The following SNX31 variants were observed in gnomAD, a reference collection of about 807,000 sequenced individuals.
The protein encoded by SNX31 is sorting nexin-31.
Under a neutral mutation model 65.4 loss-of-function variants are expected in SNX31, and 58 were observed. The ratio of observed to expected loss-of-function variants is 0.89; its 90% CI spans 0.72 to 1.10. The LOEUF is 1.10. Among genes scored for constraint, SNX31 ranks in the 50% least tolerant of loss-of-function variants. The probability of loss-of-function intolerance (pLI) is 0.00; values close to 1 mark genes in which losing one functional copy is unlikely to be tolerated. For synonymous variants in SNX31, 181 were observed against 190.1 expected, an observed-to-expected ratio of 0.95 and a Z score of 0.39; for missense variants, 523 against 529.7, an observed-to-expected ratio of 0.99 and a Z score of 0.12.
intron 7 of SNX31, among the ~76,000 whole-genome samples, 173 bp from the exon 8 acceptor site, chr8:100,608,736 C>G (rs1816423458): frequency 6.6e-6 from 1 of 152,202 alleles, no homozygotes; most frequent in Non-Finnish European, 1.5e-5. Context: ...CTTTCGTTTC[C>G]TAATTTCTTT....
intron 4 of SNX31, among the ~76,000 whole-genome samples, chr8:100,624,296 G>T (rs781345584): frequency 6.6e-6 from 1 of 152,098 alleles, no homozygotes; most frequent in Non-Finnish European, 1.5e-5. Flanking sequence ...AAAATAAAAC[G>T]AAGAATGAGA....
upstream of SNX31, among the ~76,000 whole-genome samples, chr8:100,653,555 C>T (rs1401589020): frequency 2.0e-5 from 3 of 152,210 alleles, no homozygotes; most frequent in Admixed American, 2.0e-4. Context: ...CAAGAAGCGC[C>T]TCAGGCCACC....
rs1264552284 is a variant in SNX31, at chr8:100,614,607, G to A, written c.433-1522C>T. On this transcript the variant is annotated intron_variant, in intron 5 of 13. Transcript: ENST00000311812. The surrounding 1 kb of genome is among the most constrained non-coding windows in gnomAD (Gnocchi z 5.1). The stretch of plus-strand genomic sequence containing the variant: ...GAGGCCATTGAGGCCCGGCACGGTG[G>A]CTCATGCCTGTAATCCCAGCACTTT... Among the ~76,000 whole-genome samples, 1 of 152,200 alleles carries A rather than the reference G, an allele frequency of 6.6e-6. No individual in the cohort carries two copies. The highest frequency in any genetic ancestry group is 1.5e-5 in the Non-Finnish European group (1 of 68,038).
intron 8 of SNX31, 27 bp from the exon 9 acceptor site, chr8:100,600,468 AGC>A (rs1359776830): frequency 6.4e-7 from 1 of 1,569,664 alleles, no homozygotes; most frequent in African/African-American, 1.4e-5. Context: ...TTGTAAAATT[AGC>A]AGTCTTAGCA....
In SNX31 at chr8:100,648,915, A is replaced by G. The variant is rs1051781725; in HGVS notation, c.141+359T>C. Among the ~76,000 whole-genome samples, 1 of 152,224 alleles carries G rather than the reference A, an allele frequency of 6.6e-6. No individual in the cohort carries two copies. The highest frequency in any genetic ancestry group is 1.5e-5 in the Non-Finnish European group (1 of 68,014). On this transcript the variant is annotated intron_variant, in intron 2 of 13. Coordinates refer to ENST00000311812, the MANE Select transcript of SNX31 (RefSeq NM_152628.4). The surrounding 1 kb of genome is among the most constrained non-coding windows in gnomAD (Gnocchi z 4.3). ...TCTAGACCCAGTTTCCAAATTTTGG[A>G]GGGAAGCATTGTCCTGGGGAACAGC... is the stretch of plus-strand genomic sequence containing the variant.
At chr8:100,652,104 G>A (rs957912653), upstream of SNX31, among the ~76,000 whole-genome samples, 13 of 151,896 alleles carry the variant, frequency 8.6e-5, no homozygotes, top group East Asian at 1.9e-3. Context: ...TCGGCCTCCC[G>A]AGTAGCTGGG....
rs553625689 is a variant in SNX31 at position 100,634,526 on chromosome 8, C to A, written c.256+1371G>T. ...CTTTGGGAAGCTGAAGTGGGCAGAT[C>A]GTTTGAGATCAGGAGCTCGAGACCA... On this transcript the variant is annotated intron_variant, in intron 3 of 13. Coordinates refer to ENST00000311812, the MANE Select transcript of SNX31 (RefSeq NM_152628.4). 2.0e-5 allele frequency among the ~76,000 whole-genome samples: 3 copies of A among 151,666 alleles called. No homozygotes were observed. In the East Asian group the frequency reaches 5.8e-4, roughly 29 times the overall value.
At position 100,590,014 on chromosome 8, in the gene SNX31, G is replaced by T. The variant is rs1023342751; in HGVS notation, c.979-1035C>A. On this transcript the variant is annotated intron_variant, in intron 10 of 13. Transcript: ENST00000311812. Reference sequence around the variant, plus strand: ...TGATAGAGTTCCTATTTCTTAGAAAGCTTGAGCTCCTTTGGTTCTTAACTT... The same window carrying T: ...TGATAGAGTTCCTATTTCTTAGAAATCTTGAGCTCCTTTGGTTCTTAACTT... Among the ~76,000 whole-genome samples the T allele has an allele frequency of 3.9e-5, 6 of 152,292 alleles. No individual in the cohort carries two copies. In the South Asian group the frequency reaches 1.2e-3, roughly 32 times the overall value.
At chr8:100,574,948 G>T (rs1357353143) in intron 13 of SNX31, among the ~76,000 whole-genome samples, 1 of 152,098 alleles carries the variant, frequency 6.6e-6, no homozygotes, top group Non-Finnish European at 1.5e-5. Flanking sequence ...GAAAAAAAAA[G>T]TGTTATGCTT....
Position 100,622,831 on chromosome 8 carries a change from G to GT in SNX31, c.322-5102dup, listed in dbSNP as rs146156760. On this transcript the variant is annotated intron_variant, in intron 4 of 13. Coordinates refer to ENST00000311812, the MANE Select transcript of SNX31 (RefSeq NM_152628.4). The surrounding 1 kb of genome is among the most constrained non-coding windows in gnomAD (Gnocchi z 5.0). ...TTAAGGCTAAAGCCTCCAATGTTTT[G>GT]TTTGATGTCGCAGTACTGGTTTTGG... Among the ~76,000 whole-genome samples the GT allele has an allele frequency of 0.016, 2,472 of 152,182 alleles. 66 individuals are homozygous for GT. Among genetic ancestry groups the GT allele is most frequent in the African/African-American group, 0.056 (2,335 of 41,502 alleles).
chr8:100,588,237 T>C lies in SNX31; in HGVS notation c.1092+629A>G, dbSNP rs1249669344. 6.6e-6 allele frequency among the ~76,000 whole-genome samples: 1 copy of C among 152,182 alleles called. No homozygotes were observed. Among genetic ancestry groups the C allele is most frequent in the Non-Finnish European group, 1.5e-5 (1 of 68,032 alleles). The stretch of plus-strand genomic sequence containing the variant: ...TACCACATGAATGTATATGCAAATA[T>C]TTCAAGATTTAAAAAAATCTGCAAT... On this transcript the variant is annotated intron_variant, in intron 11 of 13. Coordinates refer to ENST00000311812, the MANE Select transcript of SNX31 (RefSeq NM_152628.4). The surrounding 1 kb of genome is among the most constrained non-coding windows in gnomAD (Gnocchi z 4.8).
rs1190142668 is a variant in SNX31, at chr8:100,583,556, C to T, written c.1170+555G>A. Among the ~76,000 whole-genome samples the T allele has an allele frequency of 4.6e-5, 7 of 152,056 alleles. No homozygotes were observed. The East Asian group carries it at 1.3e-3, about 29-fold the overall frequency. On this transcript the variant is annotated intron_variant, in intron 12 of 13. Coordinates refer to ENST00000311812, the MANE Select transcript of SNX31 (RefSeq NM_152628.4). ...CCAACCTTTTTGATGAGTTACTAGG[C>T]CTTTAATAAATATAATAATAAATAA...
chr8:100,659,525 T>C (rs1809742293), intron 1 of SNX31, among the ~76,000 whole-genome samples: 1 of 152,216 alleles, frequency 6.6e-6, no homozygotes, highest in African/African-American at 2.4e-5. Flanking sequence ...TGCTTACAGA[T>C]GGCTATCTTT....
At chr8:100,582,636 C>T (rs1307520767) in intron 12 of SNX31, 1 of 152,120 alleles carries the variant, frequency 6.6e-6, no homozygotes, top group African/African-American at 2.4e-5. Context: ...TCAATGTTAA[C>T]TAAAGATGTC....
intron 9 of SNX31, among the ~76,000 whole-genome samples, chr8:100,597,139 T>C (rs1364630427): frequency 2.6e-5 from 4 of 152,184 alleles, no homozygotes; most frequent in African/African-American, 9.7e-5. Flanking sequence ...AATGAAAATA[T>C]TCCATGAGTA....
chr8:100,616,027 G>A (rs1817168890), intron 5 of SNX31, among the ~76,000 whole-genome samples: 1 of 152,126 alleles, frequency 6.6e-6, no homozygotes, highest in African/African-American at 2.4e-5. Flanking sequence ...GCCCACCTTG[G>A]CCTCCCAAAG....
upstream of SNX31, among the ~76,000 whole-genome samples, chr8:100,650,202 C>T (rs549740662): frequency 3.3e-4 from 51 of 152,242 alleles, no homozygotes; most frequent in African/African-American, 1.2e-3. Flanking sequence ...TTTTTAGTTG[C>T]TGTGGAAAAT....
At chr8:100,600,222 T>C (rs1274299899) in intron 9 of SNX31, 127 bp downstream of exon 9, 2 of 714,432 alleles carry the variant, frequency 2.8e-6, no homozygotes, top group Non-Finnish European at 4.8e-6. Flanking sequence ...GAAGATATTC[T>C]TATTTTTTTA....
chr8:100,590,635 A>C (rs1037518878), intron 10 of SNX31, among the ~76,000 whole-genome samples: 14 of 151,884 alleles, frequency 9.2e-5, no homozygotes, highest in African/African-American at 3.4e-4. Context: ...ACAAAAAATT[A>C]GCTGGGTATG....
Sources: allele counts gnomAD v4.1 joint callset (sites outside exome capture counted in the v4.1 genomes callset), GRCh38; gene constraint gnomAD v4.1.1; non-coding constraint Gnocchi (gnomAD v3.1); transcripts MANE v1.5; gene names NCBI Gene and HGNC (gene_info 2026-07-23, HGNC 2026-07-21).